Variants in MNAT1 observed in about 807,000 individuals in gnomAD.
MNAT1 encodes the protein CDK-activating kinase assembly factor MAT1.
In MNAT1, 43 loss-of-function variants were observed where a neutral mutation model predicts 42.0. The observed-to-expected ratio is 1.02, with a 90% CI of 0.80 to 1.32. MNAT1 has a LOEUF of 1.32. MNAT1 is among the 40% of genes most tolerant of loss of function. The pLI, the probability that MNAT1 is intolerant of heterozygous loss-of-function variation, is 0.00. For synonymous variants in MNAT1, 118 were observed against 120.0 expected, an observed-to-expected ratio of 0.98 and a Z score of 0.11; for missense variants, 306 against 350.4, an observed-to-expected ratio of 0.87 and a Z score of 1.01.
At chr14:60,919,665 C>G (rs1029089200) in intron 7 of MNAT1, 1 of 153,666 alleles carries the variant, frequency 6.5e-6, no homozygotes, top group Non-Finnish European at 1.5e-5. Context: ...CTGAAGGCAT[C>G]CTAATTCTGT....
At chr14:60,944,527 C>T (rs1210097754) in intron 7 of MNAT1, among the ~76,000 whole-genome samples, 1 of 152,170 alleles carries the variant, frequency 6.6e-6, no homozygotes, top group African/African-American at 2.4e-5. Context: ...ATCGTTTAAG[C>T]CACTGAGTGT....
At chr14:60,807,600 C>G (rs994328159) in intron 3 of MNAT1, among the ~76,000 whole-genome samples, 3 of 151,854 alleles carry the variant, frequency 2.0e-5, no homozygotes, top group African/African-American at 7.3e-5. Flanking sequence ...ATTATAGTAA[C>G]TTTGATTTAC....
chr14:60,881,610 T>G (rs1361764391), intron 7 of MNAT1, among the ~76,000 whole-genome samples: 1 of 151,750 alleles, frequency 6.6e-6, no homozygotes, highest in East Asian at 1.9e-4. Flanking sequence ...AAAAGAAAAA[T>G]TATATATATT....
At chr14:60,754,045 T>C (rs894037229) in intron 1 of MNAT1, 3 of 152,250 alleles carry the variant, frequency 2.0e-5, no homozygotes, top group Admixed American at 2.0e-4. Context: ...GACCTTCTAC[T>C]AACCGCCAAG....
chr14:60,932,428 G>C (rs1217655159), intron 7 of MNAT1, among the ~76,000 whole-genome samples: 1 of 151,894 alleles, frequency 6.6e-6, no homozygotes, highest in African/African-American at 2.4e-5. Context: ...TTTTAAAAGA[G>C]GTTTCCATTT....
At chr14:60,915,390 A>T (rs8023097) in intron 7 of MNAT1, among the ~76,000 whole-genome samples, 1,960 of 152,220 alleles carry the variant, frequency 0.013, 43 homozygotes, top group African/African-American at 0.045. Flanking sequence ...GAATATGAAA[A>T]TCTTATTTTC....
intron 1 of MNAT1, among the ~76,000 whole-genome samples, chr14:60,766,452 G>T (rs76874519): frequency 6.6e-6 from 1 of 152,194 alleles, no homozygotes. Context: ...GGTGGCTCAG[G>T]CCTGTAATCC....
At position 60,740,213 on chromosome 14, in the gene MNAT1, A is replaced by G. The variant is rs1352295745; in HGVS notation, c.89+5262A>G. Among the ~76,000 whole-genome samples, 1 of 152,236 alleles carries G rather than the reference A, an allele frequency of 6.6e-6. No homozygotes were observed. Among genetic ancestry groups the G allele is most frequent in the Non-Finnish European group, 1.5e-5 (1 of 68,036 alleles). On this transcript the variant is annotated intron_variant, in intron 1 of 7. Transcript: ENST00000261245. The surrounding 1 kb of genome is among the most constrained non-coding windows in gnomAD (Gnocchi z 4.1). ...GGCAAAACCTGTCTCTGGAAATTTTATGTGCTAAATCTACTTTTTTCATCA... is the reference window on the plus strand; with the variant it reads ...GGCAAAACCTGTCTCTGGAAATTTTGTGTGCTAAATCTACTTTTTTCATCA...
chr14:60,894,826 A>G (rs1383892811), intron 7 of MNAT1, among the ~76,000 whole-genome samples: 1 of 152,324 alleles, frequency 6.6e-6, no homozygotes, highest in East Asian at 1.9e-4. Context: ...TATATCTACA[A>G]CAGTTAAAAA....
chr14:60,959,607 T>C (rs901104547), intron 7 of MNAT1, among the ~76,000 whole-genome samples: 7 of 152,302 alleles, frequency 4.6e-5, no homozygotes, highest in Middle Eastern at 3.4e-3. Flanking sequence ...GAATGAACTG[T>C]TTCTTTCTTT....
chr14:60,783,621 C>G (rs1472437549), intron 1 of MNAT1, among the ~76,000 whole-genome samples: 1 of 152,032 alleles, frequency 6.6e-6, no homozygotes, highest in Non-Finnish European at 1.5e-5. Context: ...CTCAGGCTCC[C>G]GAGTAGCTGG....
chr14:60,906,967 C>A (rs1204991323), intron 7 of MNAT1, among the ~76,000 whole-genome samples: 2 of 145,462 alleles, frequency 1.4e-5, no homozygotes, highest in East Asian at 3.8e-4. Flanking sequence ...CACCTTTCCA[C>A]CCCCCAACCC....
chr14:60,818,719 C>T lies in MNAT1; in HGVS notation c.562-3C>T. The T allele has an allele frequency of 6.3e-7, 1 of 1,592,014 alleles. No individual in the cohort carries two copies. Among genetic ancestry groups the T allele is most frequent in the Non-Finnish European group, 8.6e-7 (1 of 1,168,684 alleles). ...TCTTATTGAACTTGAACTATTCTTACAGGAGAGTTCTGATCTCCCTGTTGC... is the reference window on the plus strand; with the variant it reads ...TCTTATTGAACTTGAACTATTCTTATAGGAGAGTTCTGATCTCCCTGTTGC... On this transcript the variant is annotated splice_polypyrimidine_tract_variant and splice_region_variant and intron_variant, in intron 5 of 7. Coordinates refer to ENST00000261245, the MANE Select transcript of MNAT1 (RefSeq NM_002431.4).
intron 6 of MNAT1, among the ~76,000 whole-genome samples, chr14:60,828,489 G>A (rs189303530): frequency 2.6e-5 from 4 of 151,098 alleles, no homozygotes; most frequent in Admixed American, 2.6e-4. Flanking sequence ...ATTTTCCCCT[G>A]CTGCACATAT....
intron 6 of MNAT1, among the ~76,000 whole-genome samples, chr14:60,841,454 G>A (rs989702942): frequency 2.0e-5 from 3 of 151,894 alleles, no homozygotes; most frequent in Middle Eastern, 3.2e-3. Flanking sequence ...ATAAAGTTGT[G>A]TGTGTTTTTA....
At chr14:60,940,120 G>A (rs1021315698) in intron 7 of MNAT1, among the ~76,000 whole-genome samples, 2 of 152,056 alleles carry the variant, frequency 1.3e-5, no homozygotes, top group African/African-American at 4.8e-5. Context: ...TTGAGCTTAT[G>A]TGTGTCTCTG....
At chr14:60,869,023 C>CATATATAT (rs1169429243) in intron 6 of MNAT1, among the ~76,000 whole-genome samples, 48 of 101,748 alleles carry the variant, frequency 4.7e-4, no homozygotes, top group South Asian at 1.0e-3. Flanking sequence ...TTATTTTATA[C>CATATATAT]ATATATATAT....
At chr14:60,859,598 T>C (rs1256252493) in intron 6 of MNAT1, among the ~76,000 whole-genome samples, 1 of 152,218 alleles carries the variant, frequency 6.6e-6, no homozygotes, top group Non-Finnish European at 1.5e-5. Flanking sequence ...AAGTGAATGG[T>C]TCTTAACTCA....
At chr14:60,818,914 C>A in intron 6 of MNAT1, 67 bp downstream of exon 6, 2 of 1,531,506 alleles carry the variant, frequency 1.3e-6, no homozygotes, top group Admixed American at 1.9e-5. Flanking sequence ...TAATTTTACA[C>A]GATTTCTATA....
Sources: allele counts gnomAD v4.1 joint callset (sites outside exome capture counted in the v4.1 genomes callset), GRCh38; gene constraint gnomAD v4.1.1; non-coding constraint Gnocchi (gnomAD v3.1); transcripts MANE v1.5; gene names NCBI Gene and HGNC (gene_info 2026-07-23, HGNC 2026-07-21).